GRID1: variants seen among roughly 807,000 people sequenced by gnomAD.
GRID1 encodes the protein glutamate receptor ionotropic, delta-1.
In GRID1, 28 loss-of-function variants were observed where a neutral mutation model predicts 98.0. That is an observed-to-expected ratio of 0.29 (90% CI 0.21 to 0.39). The LOEUF (loss-of-function observed/expected upper bound fraction) is 0.39, where lower values mean the gene tolerates loss of function less well. GRID1 is among the 10% of genes least tolerant of loss of function. The pLI is 1.00. For synonymous variants in GRID1, 553 were observed against 538.5 expected, an observed-to-expected ratio of 1.03 and a Z score of -0.37; for missense variants, 1,111 against 1,340.5, an observed-to-expected ratio of 0.83 and a Z score of 2.67.
At chr10:85,910,352 G>A (rs1490314685) in intron 5 of GRID1, among the ~76,000 whole-genome samples, 1 of 152,144 alleles carries the variant, frequency 6.6e-6, no homozygotes, top group Non-Finnish European at 1.5e-5. Context: ...TTCAATTAGA[G>A]CATTCGCATC....
chr10:86,333,853 C>T (rs747490745), intron 2 of GRID1, among the ~76,000 whole-genome samples: 19 of 152,210 alleles, frequency 1.2e-4, no homozygotes, highest in South Asian at 8.3e-4. Flanking sequence ...ATAAGAGGGG[C>T]TGGTTATGCT....
chr10:86,306,840 CTG>C (rs777346163), intron 2 of GRID1, among the ~76,000 whole-genome samples: 8 of 152,218 alleles, frequency 5.3e-5, no homozygotes, highest in Admixed American at 2.6e-4. Context: ...CTTAGGATAA[CTG>C]TGTCTTCCTG....
chr10:85,663,763 T>C (rs1840991178), intron 12 of GRID1, among the ~76,000 whole-genome samples: 1 of 152,168 alleles, frequency 6.6e-6, no homozygotes, highest in Non-Finnish European at 1.5e-5. Context: ...CTCTTTATTA[T>C]AGAAATGTAA....
chr10:85,743,114 C>CCCCA lies in GRID1; in HGVS notation c.1234-13501_1234-13500insTGGG, dbSNP rs746066592. 5.1e-3 allele frequency among the ~76,000 whole-genome samples: 690 copies of CCCCA among 134,464 alleles called. 18 individuals are homozygous for CCCCA. Among genetic ancestry groups the CCCCA allele is most frequent in the Non-Finnish European group, 8.6e-3 (520 of 60,526 alleles). 88.2% of individuals were successfully genotyped at this position (134,464 alleles called of 152,430 possible). ...AGGATAGAATTATGCAGCCCCCCCC[C>CCCCA]CCACCACCCATTGAGAACCAATTAT... On this transcript the variant is annotated intron_variant, in intron 8 of 15. Coordinates refer to ENST00000327946, the MANE Select transcript of GRID1 (RefSeq NM_017551.3).
intron 13 of GRID1, among the ~76,000 whole-genome samples, chr10:85,621,977 G>T (rs1020988380): frequency 6.6e-6 from 1 of 152,096 alleles, no homozygotes; most frequent in African/African-American, 2.4e-5. Context: ...TTTCAAAAGG[G>T]TATGTCACGT....
intron 8 of GRID1, among the ~76,000 whole-genome samples, chr10:85,746,102 CA>C (rs1292472334): frequency 6.6e-6 from 1 of 152,082 alleles, no homozygotes; most frequent in African/African-American, 2.4e-5. Context: ...ATATTGATTG[CA>C]AGGGAGTTAT....
intron 3 of GRID1, among the ~76,000 whole-genome samples, chr10:86,139,360 T>A (rs1054586563): frequency 2.0e-5 from 3 of 152,194 alleles, no homozygotes; most frequent in South Asian, 4.1e-4. Flanking sequence ...AGGTCACATT[T>A]GCTGGCAGTC....
At chr10:85,920,426 A>C (rs1841686530) in intron 4 of GRID1, among the ~76,000 whole-genome samples, 6 of 152,132 alleles carry the variant, frequency 3.9e-5, no homozygotes, top group Admixed American at 3.9e-4. Flanking sequence ...CTTGAAGTAC[A>C]CGTGCATAAT....
chr10:85,756,597 C>T (rs1842100963), intron 8 of GRID1, among the ~76,000 whole-genome samples: 1 of 152,162 alleles, frequency 6.6e-6, no homozygotes, highest in Admixed American at 6.5e-5. Context: ...TAGGATGGAG[C>T]CAGATGGAGT....
chr10:86,203,631 G>C (rs1845985148), intron 3 of GRID1, among the ~76,000 whole-genome samples: 1 of 151,582 alleles, frequency 6.6e-6, no homozygotes, highest in Non-Finnish European at 1.5e-5. Context: ...AGGAGGTCCT[G>C]CACAGAATCC....
chr10:86,026,193 C>T (rs766595412), intron 4 of GRID1, among the ~76,000 whole-genome samples: 4 of 152,152 alleles, frequency 2.6e-5, no homozygotes, highest in South Asian at 4.1e-4. Context: ...GGGATATAAG[C>T]GCCACACCAC....
intron 4 of GRID1, among the ~76,000 whole-genome samples, chr10:86,025,397 A>G (rs1255191652): frequency 6.6e-6 from 1 of 152,194 alleles, no homozygotes; most frequent in Non-Finnish European, 1.5e-5. Flanking sequence ...AACAAGAGTA[A>G]CTTGACTCAC....
chr10:85,917,911 T>C (rs1439078539), intron 4 of GRID1, among the ~76,000 whole-genome samples: 1 of 152,232 alleles, frequency 6.6e-6, no homozygotes, highest in Non-Finnish European at 1.5e-5. Flanking sequence ...AGGAGGACAC[T>C]TCAGCGTGGA....
At chr10:85,896,163 G>A (rs768489741) in intron 5 of GRID1, among the ~76,000 whole-genome samples, 8 of 152,176 alleles carry the variant, frequency 5.3e-5, no homozygotes, top group Admixed American at 3.3e-4. Flanking sequence ...TTCATCTGTC[G>A]GATGAAGTTT....
chr10:85,789,190 C>G (rs1488199407), intron 8 of GRID1, among the ~76,000 whole-genome samples: 1 of 152,094 alleles, frequency 6.6e-6, no homozygotes, highest in Non-Finnish European at 1.5e-5. Flanking sequence ...ATCTACATGT[C>G]TATTTATGAT....
At chr10:86,357,097 T>C (rs545148203) in intron 2 of GRID1, among the ~76,000 whole-genome samples, 1 of 152,278 alleles carries the variant, frequency 6.6e-6, no homozygotes, top group East Asian at 1.9e-4. Flanking sequence ...GTCCTAGACC[T>C]AGAAACAAAA....
At chr10:85,928,188 T>TGGTG (rs1263255345) in intron 4 of GRID1, among the ~76,000 whole-genome samples, 4 of 152,104 alleles carry the variant, frequency 2.6e-5, no homozygotes, top group African/African-American at 9.7e-5. Flanking sequence ...AGACCAGGTG[T>TGGTG]GGTGGCTCAC....
At position 86,195,346 on chromosome 10, in the gene GRID1, G is replaced by C. The variant is rs1168052194; in HGVS notation, c.520+11018C>G. Among the ~76,000 whole-genome samples the C allele has an allele frequency of 6.6e-6, 1 of 152,098 alleles. No homozygotes were observed. Among genetic ancestry groups the C allele is most frequent in the Non-Finnish European group, 1.5e-5 (1 of 67,966 alleles). On this transcript the variant is annotated intron_variant, in intron 3 of 15. Transcript: ENST00000327946. The surrounding 1 kb of genome is among the most constrained non-coding windows in gnomAD (Gnocchi z 4.4). ...GAGGATTCTTTGCAGTGCTGAGGGGGGCCTGGTCCCTCTGCTTCCTCCCAC... is the reference window on the plus strand; with the variant it reads ...GAGGATTCTTTGCAGTGCTGAGGGGCGCCTGGTCCCTCTGCTTCCTCCCAC...
At chr10:85,746,426 A>G (rs1841998083) in intron 8 of GRID1, among the ~76,000 whole-genome samples, 1 of 152,100 alleles carries the variant, frequency 6.6e-6, no homozygotes, top group Non-Finnish European at 1.5e-5. Flanking sequence ...TCGCTTCCAC[A>G]TTTACATACA....
Sources: gnomAD v4.1 joint callset for allele counts (sites outside exome capture counted in the v4.1 genomes callset) on GRCh38, gnomAD v4.1.1 for gene constraint, Gnocchi (gnomAD v3.1) non-coding constraint, MANE v1.5 for transcripts, NCBI Gene and HGNC (gene_info 2026-07-23, HGNC 2026-07-21) for gene names.